VPS9D1: variants seen among roughly 807,000 people sequenced by gnomAD.
VPS9D1 encodes the protein VPS9 domain containing 1.
In VPS9D1, 78 loss-of-function variants were observed where a neutral mutation model predicts 75.8. The observed-to-expected ratio is 1.03, with a 90% CI of 0.86 to 1.24. The LOEUF (loss-of-function observed/expected upper bound fraction) is 1.24, where lower values mean the gene tolerates loss of function less well. Ranked by LOEUF, VPS9D1 falls within the 50% of genes most tolerant of loss-of-function variation. The pLI is 0.00. For missense variants in VPS9D1, 1,057 were observed against 847.7 expected, an observed-to-expected ratio of 1.25 and a Z score of -3.07; for synonymous variants, 481 against 385.6, an observed-to-expected ratio of 1.25 and a Z score of -2.90.
chr16:89,711,693 G>T, intron 8 of VPS9D1, 189 bp downstream of exon 8: 1 of 758,750 alleles, frequency 1.3e-6, no homozygotes, highest in Middle Eastern at 3.9e-4. Flanking sequence ...TCGCCTCCTC[G>T]CTCTGCCCCG....
chr16:89,718,862 C>T (rs1023821151), intron 2 of VPS9D1, among the ~76,000 whole-genome samples, 165 bp downstream of exon 2: 3 of 152,052 alleles, frequency 2.0e-5, no homozygotes, highest in East Asian at 1.9e-4. Flanking sequence ...TACAGACACC[C>T]GCCACCAGGC....
At chr16:89,712,345 G>A (rs1421286507) in intron 6 of VPS9D1, 115 bp downstream of exon 6, 2 of 1,485,800 alleles carry the variant, frequency 1.3e-6, no homozygotes, top group East Asian at 2.4e-5. Context: ...GAGCCCCTCG[G>A]CCCTGTACCC....
chr16:89,709,836 C>T lies in VPS9D1; in HGVS notation c.1329G>A (p.Leu443=). 1.9e-6 allele frequency: 3 copies of T among 1,613,768 alleles called. No homozygotes were observed. Among genetic ancestry groups the T allele is most frequent in the South Asian group, 1.1e-5 (1 of 91,082 alleles). ...LNTAASKDRC[L]ACIEEPFFSP... Reference sequence around the variant, plus strand: ...AGAAAAAGGGTTCCTCAATGCAGGCCAGGCAGCGGTCCTTGGAGGCAGCTG... The same window carrying T: ...AGAAAAAGGGTTCCTCAATGCAGGCTAGGCAGCGGTCCTTGGAGGCAGCTG... The change falls in exon 11 of 15, where the codon CTG becomes CTA. Residue 443 remains leucine (L), a synonymous_variant. Transcript: ENST00000389386.
At position 89,710,790 on chromosome 16, in the gene VPS9D1, TGGGGGGACTGTCCTGGGGCCGC is replaced by T; in HGVS notation, c.1032_1053del (p.Gln347HisfsTer55). On this transcript the variant is annotated frameshift_variant, in exon 10 of 15. Transcript: ENST00000389386. LOFTEE classifies it high-confidence loss of function. Reference sequence around the variant, plus strand: ...ACGGGGCCGGGTTGGAGTGGGGGCGTGGGGGGACTGTCCTGGGGCCGCGGGGCTGCGCTGGGCTCGGGCGGGG... The same window carrying T: ...ACGGGGCCGGGTTGGAGTGGGGGCGTGGGGCTGCGCTGGGCTCGGGCGGGG... 1.9e-6 allele frequency: 3 copies of T among 1,548,122 alleles called. No homozygotes were observed. Among genetic ancestry groups the T allele is most frequent in the Non-Finnish European group, 2.6e-6 (3 of 1,145,862 alleles).
In VPS9D1 at chr16:89,711,377, C is replaced by T; in HGVS notation, c.783G>A (p.Arg261=). Residue 261 remains arginine, a synonymous_variant, in exon 9 of 15, where the codon AGG becomes AGA. Coordinates refer to ENST00000389386, the MANE Select transcript of VPS9D1 (RefSeq NM_004913.3). ...TCACGAGTGACAGGTCCCCCGGATT[C>T]CTCTTGAGCTTGGCCTTCCAGTGCT... The part of the protein sequence containing the change: ...WPKHWKAKLK[R]NPGDLSLVTS... The T allele has an allele frequency of 6.2e-7, 1 of 1,611,050 alleles. No homozygotes were observed. The highest frequency in any genetic ancestry group is 1.3e-5 in the African/African-American group (1 of 74,986).
chr16:89,714,745 T>C (rs1467398940), intron 4 of VPS9D1, among the ~76,000 whole-genome samples: 1 of 151,792 alleles, frequency 6.6e-6, no homozygotes, highest in Admixed American at 6.6e-5. Flanking sequence ...TTCTTTCTTC[T>C]TTTTTTTTGA....
intron 9 of VPS9D1, 111 bp from the exon 10 acceptor site, chr16:89,711,121 G>A: frequency 1.6e-6 from 2 of 1,271,276 alleles, no homozygotes; most frequent in Non-Finnish European, 2.1e-6. Context: ...CCTCCTGACA[G>A]TGAATGTTGG....
intron 8 of VPS9D1, 24 bp from the exon 9 acceptor site, chr16:89,711,436 G>A: frequency 6.3e-7 from 1 of 1,587,172 alleles, no homozygotes; most frequent in Non-Finnish European, 8.6e-7. Flanking sequence ...GGCCTTGAAG[G>A]AAAGCACGGT....
intron 1 of VPS9D1, chr16:89,720,253 TG>T: frequency 3.1e-6 from 1 of 325,432 alleles, no homozygotes; most frequent in Non-Finnish European, 4.4e-6. Flanking sequence ...CTTCTCTACC[TG>T]GTCGCCAACC....
intron 9 of VPS9D1, 110 bp from the exon 10 acceptor site, chr16:89,711,120 A>G: frequency 7.8e-7 from 1 of 1,275,380 alleles, no homozygotes. Context: ...ACCTCCTGAC[A>G]GTGAATGTTG....
chr16:89,710,733 A>C lies in VPS9D1; in HGVS notation c.1111T>G (p.Ser371Ala), dbSNP rs1182656677. The change falls in exon 10 of 15, where the codon TCT becomes GCT. Residue 371 changes from serine (S) to alanine (A), a missense_variant. Ser to Ala is a moderately conservative substitution (Grantham distance 99, BLOSUM62 1). Transcript: ENST00000389386. ...GAGCTGTCCTTGTCTGGCAATCCAG[A>C]TGCGGTGTCCCCCAGGGGTGAGGGA... ...GSPSPLGDTA[S>A]GLPDKDSSFE... is the part of the protein sequence containing the mutation. 7 of 1,589,834 alleles carry C rather than the reference A, an allele frequency of 4.4e-6. No individual in the cohort carries two copies. The highest frequency in any genetic ancestry group is 1.1e-5 in the South Asian group (1 of 88,194).
intron 4 of VPS9D1, among the ~76,000 whole-genome samples, chr16:89,716,079 C>T (rs1472486148): frequency 6.6e-6 from 1 of 151,960 alleles, no homozygotes; most frequent in Non-Finnish European, 1.5e-5. Flanking sequence ...AATCCCAGCA[C>T]TGTGGGGGCC....
At chr16:89,708,679 G>T in intron 13 of VPS9D1, 148 bp from the exon 14 acceptor site, 4 of 1,119,308 alleles carry the variant, frequency 3.6e-6, no homozygotes, top group South Asian at 1.5e-5. Context: ...GCATGGTGAG[G>T]CTGTCCCTAA....
chr16:89,712,379 TCGCTGCCCC>T (rs2151627678), intron 6 of VPS9D1, 72 bp downstream of exon 6: 3 of 1,587,382 alleles, frequency 1.9e-6, no homozygotes, highest in Non-Finnish European at 2.6e-6. Context: ...TCCGCTCCCC[TCGCTGCCCC>T]CTTCTCTGCC....
chr16:89,711,329 G>C lies in VPS9D1; in HGVS notation c.831C>G (p.Leu277=). 5 of 1,608,322 alleles carry C rather than the reference G, an allele frequency of 3.1e-6. No homozygotes were observed. Among genetic ancestry groups the C allele is most frequent in the Non-Finnish European group, 4.2e-6 (5 of 1,177,592 alleles). Residue 277 remains leucine (L), a splice_region_variant and synonymous_variant, in exon 9 of 15, where the codon CTC becomes CTG. Coordinates refer to ENST00000389386, the MANE Select transcript of VPS9D1 (RefSeq NM_004913.3). ...SLVTSLVSHL[L]SLPDHPIAQL... ...GTGGGGCCTGAAGGCCCAGCTACCTGAGCAGGTGTGAGACCAGGCTGGTCA... is the reference window on the plus strand; with the variant it reads ...GTGGGGCCTGAAGGCCCAGCTACCTCAGCAGGTGTGAGACCAGGCTGGTCA...
At chr16:89,710,059 G>T in intron 10 of VPS9D1, 153 bp from the exon 11 acceptor site, 2 of 1,078,106 alleles carry the variant, frequency 1.9e-6, no homozygotes, top group Non-Finnish European at 1.3e-6. Context: ...GCCCAGGGCA[G>T]GGAGTCCGGG....
At chr16:89,717,036 C>T (rs540067942) in intron 2 of VPS9D1, 37 of 351,196 alleles carry the variant, frequency 1.1e-4, no homozygotes, top group South Asian at 1.0e-3. Flanking sequence ...CCCACTGCCC[C>T]TCCCGTCCCC....
rs374742617 is a variant in VPS9D1 at position 89,709,210 on chromosome 16, C to T, written c.1597+17G>A. 3.1e-6 allele frequency: 5 copies of T among 1,611,752 alleles called. No individual in the cohort carries two copies. The South Asian group carries it at 4.4e-5, about 14-fold the overall frequency. The stretch of plus-strand genomic sequence containing the variant: ...GATGGGAGCCTGTCCCTCCCCCTGA[C>T]TCTCGAACCTGCTGACCTATGCACT... On this transcript the variant is annotated intron_variant, in intron 12 of 14. Transcript: ENST00000389386.
In VPS9D1 at chr16:89,709,424, C is replaced by A. The variant is rs568980335; in HGVS notation, c.1400G>T (p.Arg467Leu). 25 of 1,515,484 alleles carry A rather than the reference C, an allele frequency of 1.6e-5. No individual in the cohort carries two copies. The East Asian group carries it at 5.7e-4, about 34-fold the overall frequency. 93.9% of individuals were successfully genotyped at this position (1,515,484 alleles called of 1,614,324 possible). A position where few individuals can be genotyped will look rare whatever the true frequency, so the allele number is the denominator to read the frequency against. ...LLLALYRSVH[R>L]AREAALSRSM... The stretch of plus-strand genomic sequence containing the variant: ...CCTGCTCAGGGCAGCCTCCCGGGCT[C>A]GGTGCACGCTCCTGGGGCAGAGAGA... The change falls in exon 12 of 15, where the codon CGA becomes CTA. Residue 467 changes from arginine (R) to leucine (L), a missense_variant. Transcript: ENST00000389386.
Sources: gnomAD v4.1 joint callset for allele counts (sites outside exome capture counted in the v4.1 genomes callset) on GRCh38, gnomAD v4.1.1 for gene constraint, MANE v1.5 for transcripts, NCBI Gene and HGNC (gene_info 2026-07-23, HGNC 2026-07-21) for gene names.